MALL: variants seen among roughly 807,000 people sequenced by gnomAD.
MALL encodes MAL-like protein.
Under a neutral mutation model 10.3 loss-of-function variants are expected in MALL, and 2 were observed. The observed-to-expected ratio is 0.19, with a 90% confidence interval of 0.08 to 0.61. MALL has a LOEUF of 0.61. Ranked by LOEUF, MALL falls within the 20% of genes least tolerant of loss-of-function variation. MALL has a pLI of 0.88. For missense variants in MALL, 39 were observed against 115.2 expected, an observed-to-expected ratio of 0.34 and a Z score of 3.03; for synonymous variants, 27 against 51.8, an observed-to-expected ratio of 0.52 and a Z score of 2.05.
intron 1 of MALL, among the ~76,000 whole-genome samples, chr2:110,111,813 C>G (rs984261937): frequency 3.3e-5 from 5 of 152,116 alleles, no homozygotes; most frequent in African/African-American, 1.2e-4. Context: ...GGAGGCATCA[C>G]ACTACCTGAT....
chr2:110,116,795 A>G (rs968216391), upstream of MALL, among the ~76,000 whole-genome samples: 2 of 152,176 alleles, frequency 1.3e-5, no homozygotes, highest in Non-Finnish European at 1.5e-5. Context: ...ACCCGCCCTG[A>G]AACAGTCTGC....
intron 1 of MALL, among the ~76,000 whole-genome samples, chr2:110,112,867 CTG>C (rs1227141721): frequency 6.7e-6 from 1 of 149,534 alleles, no homozygotes; most frequent in African/African-American, 2.4e-5. Flanking sequence ...GATAAAGAAA[CTG>C]TGATATATAT....
At chr2:110,095,567 T>G (rs1248474134) in intron 1 of MALL, among the ~76,000 whole-genome samples, 1 of 151,912 alleles carries the variant, frequency 6.6e-6, no homozygotes, top group African/African-American at 2.4e-5. Flanking sequence ...AACTAGAATA[T>G]AATAAAATAA....
chr2:110,096,839 G>A (rs1678450965), intron 1 of MALL, among the ~76,000 whole-genome samples: 1 of 151,838 alleles, frequency 6.6e-6, no homozygotes, highest in Non-Finnish European at 1.5e-5. Flanking sequence ...AAATAACTGT[G>A]CCATCAACGA....
chr2:110,108,490 A>G (rs1332142584), intron 1 of MALL, among the ~76,000 whole-genome samples: 1 of 149,244 alleles, frequency 6.7e-6, no homozygotes, highest in Non-Finnish European at 1.5e-5. Flanking sequence ...CAACAAAGAC[A>G]AAGAAAAAAA....
At chr2:110,114,356 G>C (rs1028594032) in intron 1 of MALL, among the ~76,000 whole-genome samples, 1 of 152,050 alleles carries the variant, frequency 6.6e-6, no homozygotes, top group Non-Finnish European at 1.5e-5. Flanking sequence ...CCAGGAGGCA[G>C]TGCCCTGTCA....
At chr2:110,115,893 GAA>G (rs397872304), upstream of MALL, 936 of 354,468 alleles carry the variant, frequency 2.6e-3, no homozygotes, top group Non-Finnish European at 3.1e-3. Context: ...GCCTGGGAGG[GAA>G]AAAAAAAAAA....
At position 110,104,307 on chromosome 2, in the gene MALL, C is replaced by T. The variant is rs1257356852; in HGVS notation, c.105+11381G>A. 9.9e-5 allele frequency among the ~76,000 whole-genome samples: 15 copies of T among 152,218 alleles called. 1 individual carries two copies. In the East Asian group the frequency reaches 2.5e-3, roughly 25 times the overall value. The stretch of plus-strand genomic sequence containing the variant: ...CTTCCAACGACTGTGTCAACAAGTC[C>T]TTGTATTGAATCCCCTCTGTGTGAA... On this transcript the variant is annotated intron_variant, in intron 1 of 3. Coordinates refer to ENST00000272462, the MANE Select transcript of MALL (RefSeq NM_005434.5).
At chr2:110,096,772 A>T (rs1161480960) in intron 1 of MALL, among the ~76,000 whole-genome samples, 1 of 151,854 alleles carries the variant, frequency 6.6e-6, no homozygotes, top group Admixed American at 6.6e-5. Context: ...GGGGACTCAC[A>T]GACCCCCAGT....
chr2:110,115,237 A>T (rs1678881494), intron 1 of MALL, among the ~76,000 whole-genome samples: 1 of 152,202 alleles, frequency 6.6e-6, no homozygotes, highest in East Asian at 1.9e-4. Flanking sequence ...AGGCACAAAT[A>T]GTTGGACAAA....
upstream of MALL, among the ~76,000 whole-genome samples, chr2:110,117,369 C>A (rs1008278608): frequency 2.1e-4 from 32 of 152,214 alleles, no homozygotes; most frequent in Admixed American, 2.0e-3. Flanking sequence ...AGAAAAACAA[C>A]CTTCTTAGGC....
At chr2:110,103,603 C>T (rs1356940853) in intron 1 of MALL, among the ~76,000 whole-genome samples, 1 of 152,198 alleles carries the variant, frequency 6.6e-6, no homozygotes, top group Non-Finnish European at 1.5e-5. Context: ...ACTGGCAAGG[C>T]TCCTTATCTA....
At chr2:110,113,355 A>C (rs921952902) in intron 1 of MALL, among the ~76,000 whole-genome samples, 4 of 147,468 alleles carry the variant, frequency 2.7e-5, no homozygotes, top group South Asian at 4.4e-4. Context: ...GGAGAATGGC[A>C]TGAACCCGGG....
At chr2:110,102,834 G>C (rs558792798) in intron 1 of MALL, among the ~76,000 whole-genome samples, 1 of 152,170 alleles carries the variant, frequency 6.6e-6, no homozygotes, top group South Asian at 2.1e-4. Flanking sequence ...GGCACCCCTT[G>C]TCATCCTGAG....
chr2:110,114,021 G>A (rs1020895890), intron 1 of MALL, among the ~76,000 whole-genome samples: 1 of 152,060 alleles, frequency 6.6e-6, no homozygotes, highest in African/African-American at 2.4e-5. Context: ...ACACCAGCGT[G>A]CACTTTGCTC....
chr2:110,097,080 A>AAAAAC (rs1245677343), intron 1 of MALL, among the ~76,000 whole-genome samples: 1 of 127,786 alleles, frequency 7.8e-6, no homozygotes. Flanking sequence ...TGCAATCTTC[A>AAAAAC]AAAACAAAAC....
chr2:110,096,442 T>G (rs1241064987), intron 1 of MALL, among the ~76,000 whole-genome samples: 5 of 151,822 alleles, frequency 3.3e-5, no homozygotes, highest in Non-Finnish European at 7.4e-5. Flanking sequence ...CTGGCCCTTG[T>G]GAGGGTTTGG....
At chr2:110,095,570 T>G (rs1478391233) in intron 1 of MALL, among the ~76,000 whole-genome samples, 1 of 151,762 alleles carries the variant, frequency 6.6e-6, no homozygotes, top group African/African-American at 2.4e-5. Context: ...TAGAATATAA[T>G]AAAATAAAAT....
chr2:110,105,822 A>G (rs1168271995), intron 1 of MALL, among the ~76,000 whole-genome samples: 1 of 152,150 alleles, frequency 6.6e-6, no homozygotes, highest in Non-Finnish European at 1.5e-5. Context: ...CTTTCAGTCC[A>G]CAGAGAGTTG....
Sources: gnomAD v4.1 joint callset for allele counts (sites outside exome capture counted in the v4.1 genomes callset) on GRCh38, gnomAD v4.1.1 for gene constraint, MANE v1.5 for transcripts, NCBI Gene and HGNC (gene_info 2026-07-23, HGNC 2026-07-21) for gene names.